ZC3H6: variants seen among roughly 807,000 people sequenced by gnomAD.
ZC3H6 encodes the protein zinc finger CCCH domain-containing protein 6.
In ZC3H6, 40 loss-of-function variants were observed where a neutral mutation model predicts 107.7. The ratio of observed to expected loss-of-function variants is 0.37; its 90% CI spans 0.29 to 0.48. The LOEUF (loss-of-function observed/expected upper bound fraction) is 0.48. Among genes scored for constraint, ZC3H6 ranks in the 20% least tolerant of loss-of-function variants. The pLI is 0.98. For synonymous variants in ZC3H6, 493 were observed against 487.9 expected (o/e 1.01, Z -0.14); for missense variants, 1,267 against 1,410.4 (o/e 0.90, Z 1.63).
chr2:112,327,145 A>T (rs923394668), intron 11 of ZC3H6, among the ~76,000 whole-genome samples: 1 of 152,152 alleles, frequency 6.6e-6, no homozygotes, highest in African/African-American at 2.4e-5. Context: ...CCAACGGTGT[A>T]TGAAGGTTCT....
intron 11 of ZC3H6, among the ~76,000 whole-genome samples, chr2:112,328,890 G>A (rs899421637): frequency 1.0e-4 from 15 of 147,720 alleles, no homozygotes; most frequent in African/African-American, 3.5e-4. Flanking sequence ...AGTGAGCCGA[G>A]ATCATGCCAT....
intron 11 of ZC3H6, among the ~76,000 whole-genome samples, chr2:112,330,060 T>G (rs1573966805): frequency 6.6e-6 from 1 of 151,926 alleles, no homozygotes; most frequent in African/African-American, 2.4e-5. Context: ...GGTAGGTTTT[T>G]TTTTTTTTTT....
chr2:112,276,191 G>C (rs1053387870), intron 1 of ZC3H6, among the ~76,000 whole-genome samples, 165 bp downstream of exon 1: 1 of 147,904 alleles, frequency 6.8e-6, no homozygotes, highest in Non-Finnish European at 1.5e-5. Flanking sequence ...CGCGGCCGCG[G>C]GGGAGGTCGG....
At chr2:112,287,881 C>T (rs1287000624) in intron 1 of ZC3H6, among the ~76,000 whole-genome samples, 2 of 152,254 alleles carry the variant, frequency 1.3e-5, no homozygotes, top group African/African-American at 2.4e-5. Flanking sequence ...GGATTACAGG[C>T]GTGAGCCACC....
chr2:112,308,479 T>G (rs1470087315), intron 3 of ZC3H6, among the ~76,000 whole-genome samples: 1 of 149,804 alleles, frequency 6.7e-6, no homozygotes, highest in Non-Finnish European at 1.5e-5. Context: ...CAGGCTGGAG[T>G]GCAGTGGTGC....
At chr2:112,312,658 C>A (rs1676614691) in intron 5 of ZC3H6, among the ~76,000 whole-genome samples, 1 of 152,042 alleles carries the variant, frequency 6.6e-6, no homozygotes, top group African/African-American at 2.4e-5. Flanking sequence ...GTCAGGAGTT[C>A]AAGACCAGCC....
chr2:112,327,932 C>T (rs1466447999), intron 11 of ZC3H6, among the ~76,000 whole-genome samples: 1 of 151,912 alleles, frequency 6.6e-6, no homozygotes, highest in African/African-American at 2.4e-5. Flanking sequence ...GACAGGGTGT[C>T]ACTCTGTTGT....
intron 5 of ZC3H6, among the ~76,000 whole-genome samples, chr2:112,313,777 C>T (rs1676636836): frequency 1.3e-5 from 2 of 152,202 alleles, no homozygotes; most frequent in South Asian, 4.2e-4. Flanking sequence ...ACATGGAGGC[C>T]ACAGCAGAGT....
rs188501979 is a variant in ZC3H6, at chr2:112,310,390, C to T, written c.613+229C>T. Among the ~76,000 whole-genome samples the T allele has an allele frequency of 8.2e-4, 125 of 152,250 alleles. 1 individual carries two copies. The East Asian group carries it at 9.6e-3, about 12-fold the overall frequency. ...AAGATATTCTAATGATTTAAAAATACATAAAAATGCAATACAACTTTCTTA... is the reference window on the plus strand; with the variant it reads ...AAGATATTCTAATGATTTAAAAATATATAAAAATGCAATACAACTTTCTTA... On this transcript the variant is annotated intron_variant, in intron 4 of 11. Coordinates refer to ENST00000409871, the MANE Select transcript of ZC3H6 (RefSeq NM_198581.3).
Position 112,338,617 on chromosome 2 carries a change from G to A in ZC3H6, c.*6129G>A, listed in dbSNP as rs557204471. 6.6e-6 allele frequency: 1 copy of A among 151,930 alleles called. No individual in the cohort carries two copies. Among genetic ancestry groups the A allele is most frequent in the African/African-American group, 2.4e-5 (1 of 41,464 alleles). 9.4% of individuals were successfully genotyped at this position (151,930 alleles called of 1,614,324 possible). On this transcript the variant is annotated 3_prime_UTR_variant, in exon 12 of 12. Coordinates refer to ENST00000409871, the MANE Select transcript of ZC3H6 (RefSeq NM_198581.3). The stretch of plus-strand genomic sequence containing the variant: ...TAGCATTTTAGAAAAAATTAGCTCT[G>A]CAGATAGTCAGGCCCCATACTTCTT...
chr2:112,332,410 T>A lies in ZC3H6; in HGVS notation c.3492T>A (p.Asp1164Glu), dbSNP rs768554544. 1.2e-6 allele frequency: 2 copies of A among 1,613,424 alleles called. No individual in the cohort carries two copies. The highest frequency in any genetic ancestry group is 4.5e-5 in the East Asian group (2 of 44,876). ...AGGGGAGCCCGACCCCAGATAATGA[T>A]CCCGGTAGAGAAACAGATGACAAAT... ...PGQGSPTPDN[D>E]PGRETDDKSL... Residue 1164 changes from aspartate (D) to glutamate (E), a missense_variant, in exon 12 of 12, where the codon GAT (aspartate) becomes GAA (glutamate). Transcript: ENST00000409871.
chr2:112,288,404 G>C (rs150343734), intron 1 of ZC3H6, among the ~76,000 whole-genome samples: 1 of 152,208 alleles, frequency 6.6e-6, no homozygotes, highest in African/African-American at 2.4e-5. Flanking sequence ...GGGAAAGGAA[G>C]CTTTCGTTGA....
chr2:112,326,838 C>T (rs1676914441), intron 11 of ZC3H6, among the ~76,000 whole-genome samples: 1 of 152,136 alleles, frequency 6.6e-6, no homozygotes, highest in Non-Finnish European at 1.5e-5. Context: ...GTCACGAACT[C>T]CTGACCTCAG....
chr2:112,276,137 C>A, intron 1 of ZC3H6, 111 bp downstream of exon 1: 1 of 935,440 alleles, frequency 1.1e-6, no homozygotes. Context: ...CTCTGTGTGG[C>A]TCCGTCAGTT....
In ZC3H6 at chr2:112,322,712, C is replaced by T. The variant is rs367887186; in HGVS notation, c.1150C>T (p.Arg384Cys). The part of the protein sequence containing the change: ...DERELEELRK[R>C]GITPLPKPPP... ...AAGAGAATTAGAGGAACTTAGAAAG[C>T]GTGGCATAACTCCTCTTCCCAAACC... Residue 384 changes from arginine (R) to cysteine (C), a missense_variant, in exon 9 of 12, where the codon CGT becomes TGT. By Grantham distance (180) the Arg-to-Cys change is radical. Around this residue, in one of 3 missense-constraint regions of ZC3H6, gnomAD observed 925 missense variants for 1,025.7 expected, o/e 0.90. Transcript: ENST00000409871. 150 of 1,613,172 alleles carry T rather than the reference C, an allele frequency of 9.3e-5. No individual in the cohort carries two copies. The highest frequency in any genetic ancestry group is 1.2e-4 in the Admixed American group (7 of 59,894).
In ZC3H6 at chr2:112,275,654, G is replaced by A. The variant is rs1427361902; in HGVS notation, c.-341G>A. 7.4e-6 allele frequency: 3 copies of A among 403,668 alleles called. No homozygotes were observed. The highest frequency in any genetic ancestry group is 4.1e-5 in the African/African-American group (2 of 48,634). 25.0% of individuals were successfully genotyped at this position (403,668 alleles called of 1,614,324 possible). A position where few individuals can be genotyped will look rare whatever the true frequency, so the allele number is the denominator to read the frequency against. Reference sequence around the variant, plus strand: ...GCCATGTTGGTGAGGAGAAATCACCGTTACGGCCACTGTCCAAATCCCCGC... The same window carrying A: ...GCCATGTTGGTGAGGAGAAATCACCATTACGGCCACTGTCCAAATCCCCGC... On this transcript the variant is annotated 5_prime_UTR_variant, in exon 1 of 12. Coordinates refer to ENST00000409871, the MANE Select transcript of ZC3H6 (RefSeq NM_198581.3).
intron 7 of ZC3H6, among the ~76,000 whole-genome samples, chr2:112,318,937 A>T (rs565158491): frequency 6.6e-6 from 1 of 152,324 alleles, no homozygotes; most frequent in African/African-American, 2.4e-5. Context: ...TACAGTAGAG[A>T]GTATTTGAAT....
At chr2:112,326,440 C>A (rs530081408) in intron 11 of ZC3H6, among the ~76,000 whole-genome samples, 62 of 152,204 alleles carry the variant, frequency 4.1e-4, no homozygotes, top group South Asian at 1.5e-3. Flanking sequence ...ATTTTTAGCT[C>A]CCACAAATAA....
chr2:112,312,080 T>C, intron 5 of ZC3H6, 143 bp downstream of exon 5: 1 of 790,866 alleles, frequency 1.3e-6, no homozygotes, highest in Non-Finnish European at 1.8e-6. Flanking sequence ...ATCAATAACC[T>C]CCAAAAAATA....
Sources: allele counts gnomAD v4.1 joint callset (sites outside exome capture counted in the v4.1 genomes callset), GRCh38; gene constraint gnomAD v4.1.1; regional missense constraint gnomAD v4.1.1; transcripts MANE v1.5; gene names NCBI Gene and HGNC (gene_info 2026-07-23, HGNC 2026-07-21).